Variants in PALLD observed in about 807,000 individuals in gnomAD.
PALLD encodes the protein palladin, cytoskeletal associated protein.
PALLD carries 61 observed loss-of-function variants against 123.5 expected under a neutral mutation model. The observed-to-expected ratio is 0.49, with a 90% CI of 0.40 to 0.61. The LOEUF (loss-of-function observed/expected upper bound fraction) is 0.61, where lower values mean the gene tolerates loss of function less well. Ranked by LOEUF, PALLD falls within the 20% of genes least tolerant of loss-of-function variation. The pLI is 0.00. For missense variants in PALLD, 1,273 were observed against 1,377.0 expected, an observed-to-expected ratio of 0.92 and a Z score of 1.20; for synonymous variants, 465 against 496.4, an observed-to-expected ratio of 0.94 and a Z score of 0.84.
chr4:168,689,959 G>T lies in PALLD; in HGVS notation c.1336-644G>T, dbSNP rs931635152. 5.3e-5 allele frequency among the ~76,000 whole-genome samples: 8 copies of T among 152,158 alleles called. No homozygotes were observed. In the East Asian group the frequency reaches 1.2e-3, roughly 22 times the overall value. Reference sequence around the variant, plus strand: ...TCTGTTGGATTGTAAAGATTTATTGGTCTGGAGTTGGAGTGCGGTGAGGGA... The same window carrying T: ...TCTGTTGGATTGTAAAGATTTATTGTTCTGGAGTTGGAGTGCGGTGAGGGA... On this transcript the variant is annotated intron_variant, in intron 6 of 21. Transcript: ENST00000505667.
chr4:168,558,069 G>A (rs1401480193), intron 2 of PALLD, among the ~76,000 whole-genome samples: 1 of 152,088 alleles, frequency 6.6e-6, no homozygotes, highest in Non-Finnish European at 1.5e-5. Context: ...ATTACCAATG[G>A]CCATTTGGGA....
At chr4:168,780,756 C>T (rs527787802) in intron 10 of PALLD, among the ~76,000 whole-genome samples, 40 of 152,268 alleles carry the variant, frequency 2.6e-4, no homozygotes, top group African/African-American at 8.9e-4. Context: ...GGCACAATCT[C>T]GGCTCACTGC....
intron 2 of PALLD, among the ~76,000 whole-genome samples, chr4:168,524,408 G>C (rs550468401): frequency 1.3e-5 from 2 of 152,258 alleles, no homozygotes; most frequent in East Asian, 1.9e-4. Context: ...GTTACTGGTA[G>C]GGATGGAATT....
intron 2 of PALLD, among the ~76,000 whole-genome samples, chr4:168,584,911 A>G (rs1770657391): frequency 6.6e-6 from 1 of 152,228 alleles, no homozygotes; most frequent in Admixed American, 6.5e-5. Flanking sequence ...GTACCCATGC[A>G]CACACACATG....
chr4:168,619,129 T>C (rs903402985), intron 2 of PALLD, among the ~76,000 whole-genome samples: 4 of 152,190 alleles, frequency 2.6e-5, no homozygotes, highest in African/African-American at 9.7e-5. Flanking sequence ...GGAGGTCACC[T>C]TTCAGCAGGA....
chr4:168,847,067 G>A (rs555960716), intron 10 of PALLD, among the ~76,000 whole-genome samples: 1 of 152,150 alleles, frequency 6.6e-6, no homozygotes, highest in African/African-American at 2.4e-5. Flanking sequence ...AATTGAATTG[G>A]AAGCTCAGTT....
At chr4:168,499,165 A>AATT (rs1277770409) in intron 1 of PALLD, among the ~76,000 whole-genome samples, 1 of 125,652 alleles carries the variant, frequency 8.0e-6, no homozygotes, top group Non-Finnish European at 1.7e-5. Context: ...TTTTGCCCTA[A>AATT]AGGACCCTTT....
At chr4:168,904,012 T>G in intron 15 of PALLD, 106 bp downstream of exon 15, 1 of 1,150,012 alleles carries the variant, frequency 8.7e-7, no homozygotes, top group Non-Finnish European at 1.3e-6. Flanking sequence ...TTTCTTTGAT[T>G]TATGAAACTA....
chr4:168,854,316 C>T (rs1667462503), intron 10 of PALLD, among the ~76,000 whole-genome samples: 2 of 152,142 alleles, frequency 1.3e-5, no homozygotes, highest in Non-Finnish European at 2.9e-5. Flanking sequence ...CTTGGACAAG[C>T]TGGTCAGGGA....
At chr4:168,568,391 G>A (rs1029732683) in intron 2 of PALLD, among the ~76,000 whole-genome samples, 9 of 151,938 alleles carry the variant, frequency 5.9e-5, no homozygotes, top group Admixed American at 5.9e-4. Flanking sequence ...TTGTTTTCAT[G>A]TACCTCTGTT....
At chr4:168,738,972 T>C (rs1394735163) in intron 10 of PALLD, among the ~76,000 whole-genome samples, 1 of 152,220 alleles carries the variant, frequency 6.6e-6, no homozygotes, top group African/African-American at 2.4e-5. Context: ...TCTGCTTTCT[T>C]CCTTCATGGA....
chr4:168,627,663 T>C (rs1286165759), intron 2 of PALLD, among the ~76,000 whole-genome samples: 2 of 152,082 alleles, frequency 1.3e-5, no homozygotes, highest in Admixed American at 6.5e-5. Flanking sequence ...TTTAATGTCA[T>C]GAGATATCAA....
Position 168,711,819 on chromosome 4 carries a change from T to G in PALLD, c.1860T>G (p.Asn620Lys). Residue 620 changes from asparagine to lysine, a missense_variant, in exon 10 of 22, where the codon AAT becomes AAG. Coordinates refer to ENST00000505667, the MANE Select transcript of PALLD (RefSeq NM_001166108.2). ...TNGVHPSRGV[N>K]GLINGKANSN... The stretch of plus-strand genomic sequence containing the variant: ...GAGTCCATCCCAGCCGTGGAGTAAA[T>G]GGACTGATTAACGGCAAAGCTAACA... 6.2e-7 allele frequency: 1 copy of G among 1,614,074 alleles called. No homozygotes were observed. Among genetic ancestry groups the G allele is most frequent in the Non-Finnish European group, 8.5e-7 (1 of 1,179,988 alleles).
At chr4:168,513,028 C>A (rs1312943345) in intron 2 of PALLD, among the ~76,000 whole-genome samples, 1 of 150,768 alleles carries the variant, frequency 6.6e-6, no homozygotes, top group Non-Finnish European at 1.5e-5. Flanking sequence ...ACCCATGTAA[C>A]AAACCTGCAC....
At chr4:168,527,248 C>A (rs1764139309) in intron 2 of PALLD, among the ~76,000 whole-genome samples, 1 of 151,956 alleles carries the variant, frequency 6.6e-6, no homozygotes, top group Non-Finnish European at 1.5e-5. Flanking sequence ...CACGGAGAAA[C>A]CCTGTCTCTA....
chr4:168,567,305 A>G (rs1445952789), intron 2 of PALLD, among the ~76,000 whole-genome samples: 4 of 152,148 alleles, frequency 2.6e-5, no homozygotes, highest in African/African-American at 9.7e-5. Flanking sequence ...GGAATCTACA[A>G]GAAACTCAAA....
intron 2 of PALLD, among the ~76,000 whole-genome samples, chr4:168,532,130 C>A (rs1764661608): frequency 6.6e-6 from 1 of 152,120 alleles, no homozygotes; most frequent in Non-Finnish European, 1.5e-5. Context: ...TTGTTCCCTG[C>A]TATGTGTCCA....
chr4:168,782,368 A>G (rs1325829267), intron 10 of PALLD, among the ~76,000 whole-genome samples: 1 of 152,238 alleles, frequency 6.6e-6, no homozygotes, highest in Non-Finnish European at 1.5e-5. Flanking sequence ...TGTCTAGAAA[A>G]TTAGTAGAGA....
At chr4:168,563,704 C>T (rs963686646) in intron 2 of PALLD, among the ~76,000 whole-genome samples, 1 of 152,020 alleles carries the variant, frequency 6.6e-6, no homozygotes, top group African/African-American at 2.4e-5. Flanking sequence ...AAAACTTTTG[C>T]TTGATGTGAT....
Sources: gnomAD v4.1 joint callset for allele counts (sites outside exome capture counted in the v4.1 genomes callset) on GRCh38, gnomAD v4.1.1 for gene constraint, MANE v1.5 for transcripts, NCBI Gene and HGNC (gene_info 2026-07-23, HGNC 2026-07-21) for gene names.